Variants in CLIC6 observed in about 807,000 individuals in gnomAD.
CLIC6 encodes chloride intracellular channel protein 6.
In CLIC6, 39 loss-of-function variants were observed where a neutral mutation model predicts 49.2. The ratio of observed to expected loss-of-function variants is 0.79; its 90% CI spans 0.61 to 1.04. The LOEUF (loss-of-function observed/expected upper bound fraction) is 1.04, where lower values mean the gene tolerates loss of function less well. Ranked by LOEUF, CLIC6 falls within the 50% of genes least tolerant of loss-of-function variation. The pLI is 0.00. For synonymous variants in CLIC6, 446 were observed against 433.4 expected, an observed-to-expected ratio of 1.03 and a Z score of -0.36; for missense variants, 988 against 993.1, an observed-to-expected ratio of 0.99 and a Z score of 0.07.
chr21:34,706,688 T>A (rs1213626994), intron 1 of CLIC6, among the ~76,000 whole-genome samples: 4 of 152,140 alleles, frequency 2.6e-5, no homozygotes, highest in Non-Finnish European at 5.9e-5. Context: ...AAGCTTTGAG[T>A]CTGGTGTCTT....
chr21:34,696,393 G>A (rs1234043580), intron 1 of CLIC6, among the ~76,000 whole-genome samples: 3 of 152,220 alleles, frequency 2.0e-5, no homozygotes, highest in African/African-American at 4.8e-5. Flanking sequence ...ACAGAGCAGA[G>A]CTGGGTAAAA....
intron 1 of CLIC6, among the ~76,000 whole-genome samples, chr21:34,700,390 T>G (rs1458191298): frequency 8.0e-6 from 1 of 125,684 alleles, no homozygotes; most frequent in Non-Finnish European, 1.6e-5. Context: ...GAGCTTGCAG[T>G]GAGCCGAGAT....
At chr21:34,699,885 T>C (rs988956275) in intron 1 of CLIC6, among the ~76,000 whole-genome samples, 6 of 152,174 alleles carry the variant, frequency 3.9e-5, no homozygotes, top group Non-Finnish European at 8.8e-5. Context: ...ATAGACTGGC[T>C]TGAGGAGGTG....
At chr21:34,704,294 C>A (rs1220161600) in intron 1 of CLIC6, among the ~76,000 whole-genome samples, 2 of 152,172 alleles carry the variant, frequency 1.3e-5, no homozygotes, top group Non-Finnish European at 2.9e-5. Context: ...GCTGGCACAT[C>A]CAGGCCCTGA....
Position 34,669,678 on chromosome 21 carries a change from A to G in CLIC6, c.290A>G (p.Gln97Arg). 3 of 1,352,412 alleles carry G rather than the reference A, an allele frequency of 2.2e-6. No individual in the cohort carries two copies. Among genetic ancestry groups the G allele is most frequent in the South Asian group, 1.8e-5 (1 of 55,164 alleles). The allele number at this position is 1,352,412 out of a possible 1,614,324, so 83.8% of individuals were successfully genotyped here. A position where few individuals can be genotyped will look rare whatever the true frequency, so the allele number is the denominator to read the frequency against. Residue 97 changes from glutamine to arginine, a missense_variant, in exon 1 of 6, where the codon CAA becomes CGA. Gln to Arg is a conservative substitution (Grantham distance 43). Coordinates refer to ENST00000349499, the MANE Select transcript of CLIC6 (RefSeq NM_053277.3). ...GCCCCGGAGGGTGCCGAGGTGCCCC[A>G]AGGAGGGGAGGAGACAAGCGGCGCG... The part of the protein sequence containing the change: ...EGAPEGAEVP[Q>R]GGEETSGAQQ...
In CLIC6 at chr21:34,709,484, G is replaced by T. The variant is rs868050110; in HGVS notation, c.1845G>T (p.Gly615=). ...TTTCTGGAAGGAAGTTTCTGGATGG[G>T]GACGAGCTGACGCTGGCTGACTGCA... ...VTVSGRKFLD[G]DELTLADCNL... The change falls in exon 5 of 6, where the codon GGG becomes GGT. Residue 615 remains glycine (G), a synonymous_variant. Transcript: ENST00000349499. 6.2e-7 allele frequency: 1 copy of T among 1,613,998 alleles called. No homozygotes were observed. Among genetic ancestry groups the T allele is most frequent in the African/African-American group, 1.3e-5 (1 of 75,044 alleles).
chr21:34,701,308 C>CAAAAAAAAA lies in CLIC6; in HGVS notation c.1375-5954_1375-5946dup, dbSNP rs763844976. Among the ~76,000 whole-genome samples the CAAAAAAAAA allele has an allele frequency of 1.8e-4, 9 of 49,578 alleles. 1 individual carries two copies. Among genetic ancestry groups the CAAAAAAAAA allele is most frequent in the African/African-American group, 6.2e-4 (8 of 12,982 alleles). The allele number at this position is 49,578 out of a possible 152,430, so 32.5% of individuals were successfully genotyped here. ...TGGGCGACAGAGCGAGGCTCCGTCT[C>CAAAAAAAAA]AAAAAAAAAAAAAAAAAAAAAAAAA... On this transcript the variant is annotated intron_variant, in intron 1 of 5. Transcript: ENST00000349499.
At chr21:34,676,389 G>A (rs1233854130) in intron 1 of CLIC6, among the ~76,000 whole-genome samples, 2 of 152,196 alleles carry the variant, frequency 1.3e-5, no homozygotes, top group East Asian at 1.9e-4. Context: ...AGATTCTGGG[G>A]ACACATTGGT....
intron 1 of CLIC6, among the ~76,000 whole-genome samples, chr21:34,694,699 T>C (rs1407194967): frequency 6.6e-6 from 1 of 152,174 alleles, no homozygotes; most frequent in Non-Finnish European, 1.5e-5. Flanking sequence ...CAATTAAACA[T>C]CTTTTCTTTA....
At chr21:34,703,126 T>C (rs2055991369) in intron 1 of CLIC6, among the ~76,000 whole-genome samples, 1 of 152,176 alleles carries the variant, frequency 6.6e-6, no homozygotes, top group African/African-American at 2.4e-5. Context: ...ACTGGCATCC[T>C]TCCCTGCACA....
chr21:34,675,777 C>G (rs1416021274), intron 1 of CLIC6, among the ~76,000 whole-genome samples: 1 of 152,190 alleles, frequency 6.6e-6, no homozygotes, highest in Non-Finnish European at 1.5e-5. Flanking sequence ...GGCAGGCCCT[C>G]CACTGTGCTT....
At chr21:34,691,704 A>G (rs1989998199) in intron 1 of CLIC6, among the ~76,000 whole-genome samples, 1 of 152,214 alleles carries the variant, frequency 6.6e-6, no homozygotes, top group Admixed American at 6.5e-5. Flanking sequence ...GTCCTACAGC[A>G]CATTGTGCAA....
In CLIC6 at chr21:34,669,685, G is replaced by A. The variant is rs1483074974; in HGVS notation, c.297G>A (p.Gly99=). Residue 99 remains glycine, a synonymous_variant, in exon 1 of 6, where the codon GGG becomes GGA. Coordinates refer to ENST00000349499, the MANE Select transcript of CLIC6 (RefSeq NM_053277.3). ...AGGGTGCCGAGGTGCCCCAAGGAGGGGAGGAGACAAGCGGCGCGCAGCAGG... is the reference window on the plus strand; with the variant it reads ...AGGGTGCCGAGGTGCCCCAAGGAGGAGAGGAGACAAGCGGCGCGCAGCAGG... ...APEGAEVPQG[G]EETSGAQQVE... 2 of 1,366,526 alleles carry A rather than the reference G, an allele frequency of 1.5e-6. No homozygotes were observed. The highest frequency in any genetic ancestry group is 1.9e-6 in the Non-Finnish European group (2 of 1,067,846). The allele number at this position is 1,366,526 out of a possible 1,614,324, so 84.7% of individuals were successfully genotyped here. A position where few individuals can be genotyped will look rare whatever the true frequency, so the allele number is the denominator to read the frequency against.
At chr21:34,672,948 C>T (rs74469322) in intron 1 of CLIC6, among the ~76,000 whole-genome samples, 2,579 of 152,320 alleles carry the variant, frequency 0.017, 37 homozygotes, top group Non-Finnish European at 0.026. Context: ...CCTATTGTTA[C>T]ATCTGTGCTG....
chr21:34,695,717 C>T (rs114932719), intron 1 of CLIC6, among the ~76,000 whole-genome samples: 43 of 152,300 alleles, frequency 2.8e-4, no homozygotes, highest in African/African-American at 1.0e-3. Flanking sequence ...GAGGAAGTGG[C>T]CTTACTTGGT....
chr21:34,679,322 C>T (rs147204721), intron 1 of CLIC6, among the ~76,000 whole-genome samples: 2,384 of 152,288 alleles, frequency 0.016, 68 homozygotes, highest in African/African-American at 0.055. Context: ...CTCACTATCA[C>T]GAGAACAGCA....
intron 2 of CLIC6, 96 bp from the exon 3 acceptor site, chr21:34,707,848 T>A: frequency 7.5e-7 from 1 of 1,333,908 alleles, no homozygotes; most frequent in Non-Finnish European, 1.0e-6. Context: ...TTCTCAAGAG[T>A]TGCTTCTCTT....
intron 1 of CLIC6, among the ~76,000 whole-genome samples, chr21:34,676,439 C>T (rs1989671966): frequency 6.6e-6 from 1 of 152,202 alleles, no homozygotes; most frequent in African/African-American, 2.4e-5. Flanking sequence ...CAGAGTTTAC[C>T]ATCTAGCACA....
Position 34,702,534 on chromosome 21 carries a change from C to A in CLIC6, c.1375-4746C>A, listed in dbSNP as rs555494289. ...GGTGTTCATCAACCCCGTACGTCAA[C>A]CCCCTAGCGTCAGTTGTACATGCAG... On this transcript the variant is annotated intron_variant, in intron 1 of 5. Transcript: ENST00000349499. Among the ~76,000 whole-genome samples, 10 of 152,328 alleles carry A rather than the reference C, an allele frequency of 6.6e-5. No homozygotes were observed. In the East Asian group the frequency reaches 1.9e-3, roughly 29 times the overall value.
Sources: allele counts gnomAD v4.1 joint callset (sites outside exome capture counted in the v4.1 genomes callset), GRCh38; gene constraint gnomAD v4.1.1; transcripts MANE v1.5; gene names NCBI Gene and HGNC (gene_info 2026-07-23, HGNC 2026-07-21).